MGMT: variants seen among roughly 807,000 people sequenced by gnomAD.
MGMT encodes the protein O-6-methylguanine-DNA methyltransferase.
In MGMT, 14 loss-of-function variants were observed where a neutral mutation model predicts 15.9. The ratio of observed to expected loss-of-function variants is 0.88; its 90% CI spans 0.58 to 1.37. The LOEUF is 1.37. Ranked by LOEUF, MGMT falls within the 40% of genes most tolerant of loss-of-function variation. The pLI is 0.00. For synonymous variants in MGMT, 130 were observed against 118.2 expected (o/e 1.10, Z -0.65); for missense variants, 282 against 268.1 (o/e 1.05, Z -0.36).
chr10:129,476,651 G>A (rs990644777), intron 1 of MGMT, among the ~76,000 whole-genome samples: 2 of 152,168 alleles, frequency 1.3e-5, no homozygotes, highest in Non-Finnish European at 2.9e-5. Flanking sequence ...CCATCGCCAG[G>A]CTGCTGGGAG....
In MGMT at chr10:129,766,948, T is replaced by C. The variant is rs1848944985; in HGVS notation, c.575T>C (p.Leu192Pro). The stretch of plus-strand genomic sequence containing the variant: ...AGCTCAGGTCTGGCAGGGGCCTGGC[T>C]CAAGGGAGCGGGAGCTACCTCGGGC... ...GGSSGLAGAW[L>P]KGAGATSGSP... is the part of the protein sequence containing the mutation. Residue 192 changes from leucine (L) to proline (P), a missense_variant, in exon 5 of 5, where the codon CTC (leucine) becomes CCC (proline). Physicochemically the swap from Leu to Pro is moderately conservative, Grantham distance 98 (BLOSUM62 -3). Transcript: ENST00000651593. 1.2e-6 allele frequency: 2 copies of C among 1,612,610 alleles called. No homozygotes were observed. Among genetic ancestry groups the C allele is most frequent in the Non-Finnish European group, 1.7e-6 (2 of 1,179,654 alleles).
chr10:129,553,312 GATTTC>G (rs1846179020), intron 2 of MGMT, among the ~76,000 whole-genome samples: 1 of 152,206 alleles, frequency 6.6e-6, no homozygotes, highest in South Asian at 2.1e-4. Context: ...CACAAAGTCA[GATTTC>G]TGCGTGACTT....
At chr10:129,679,086 A>G (rs907032366) in intron 2 of MGMT, among the ~76,000 whole-genome samples, 6 of 152,030 alleles carry the variant, frequency 3.9e-5, no homozygotes, top group South Asian at 4.2e-4. Flanking sequence ...AAAAAAAAAA[A>G]GAATCGTGAT....
At chr10:129,677,625 G>C (rs1020109037) in intron 2 of MGMT, among the ~76,000 whole-genome samples, 1 of 152,216 alleles carries the variant, frequency 6.6e-6, no homozygotes, top group African/African-American at 2.4e-5. Context: ...CCACCTGACA[G>C]GCCAGCTCAA....
intron 2 of MGMT, among the ~76,000 whole-genome samples, chr10:129,569,181 A>C (rs1349835231): frequency 6.6e-6 from 1 of 151,194 alleles, no homozygotes; most frequent in Non-Finnish European, 1.5e-5. Context: ...CTAATGCGGC[A>C]CTCTCATGCC....
chr10:129,630,647 A>C (rs1847199627), intron 2 of MGMT, among the ~76,000 whole-genome samples: 1 of 152,202 alleles, frequency 6.6e-6, no homozygotes, highest in Admixed American at 6.5e-5. Flanking sequence ...TCGAACTGAT[A>C]GAAAAAGAAA....
chr10:129,617,394 C>T (rs1175127617), intron 2 of MGMT, among the ~76,000 whole-genome samples: 4 of 152,074 alleles, frequency 2.6e-5, no homozygotes, highest in Non-Finnish European at 4.4e-5. Flanking sequence ...TGAATATACG[C>T]GTGCATGTAT....
At chr10:129,616,603 T>G (rs764227812) in intron 2 of MGMT, among the ~76,000 whole-genome samples, 39 of 152,160 alleles carry the variant, frequency 2.6e-4, no homozygotes, top group African/African-American at 4.3e-4. Context: ...CTAAGGGCCC[T>G]CACTGGCACC....
chr10:129,759,376 G>A (rs1369409679), intron 4 of MGMT, 35 bp downstream of exon 4: 3 of 1,613,200 alleles, frequency 1.9e-6, no homozygotes, highest in African/African-American at 1.3e-5. Context: ...GCTGTGGGTG[G>A]CGGGTGCGTG....
chr10:129,755,108 C>G (rs1848790145), intron 3 of MGMT, among the ~76,000 whole-genome samples: 1 of 152,262 alleles, frequency 6.6e-6, no homozygotes, highest in South Asian at 2.1e-4. Flanking sequence ...CTTCTCAGCC[C>G]TCACGTAGCT....
chr10:129,558,482 C>A (rs1371562513), intron 2 of MGMT, among the ~76,000 whole-genome samples: 3 of 152,152 alleles, frequency 2.0e-5, no homozygotes, highest in Non-Finnish European at 2.9e-5. Flanking sequence ...AGAGCGTGGC[C>A]CTGGTCCTCA....
chr10:129,666,224 A>G (rs1847657442), intron 2 of MGMT, among the ~76,000 whole-genome samples: 1 of 152,194 alleles, frequency 6.6e-6, no homozygotes, highest in South Asian at 2.1e-4. Context: ...TAACTATTTC[A>G]GTGTTCTAGA....
chr10:129,764,363 G>A (rs978893201), intron 4 of MGMT, among the ~76,000 whole-genome samples: 6 of 152,218 alleles, frequency 3.9e-5, no homozygotes, highest in Non-Finnish European at 7.3e-5. Context: ...CCTCGGGGAC[G>A]TGTGTAGCTG....
At chr10:129,667,762 G>A (rs1184169001) in intron 2 of MGMT, among the ~76,000 whole-genome samples, 3 of 152,188 alleles carry the variant, frequency 2.0e-5, no homozygotes, top group African/African-American at 4.8e-5. Flanking sequence ...TCGGGTGCCC[G>A]TTTGGTATTA....
chr10:129,510,213 C>T (rs757325266), intron 1 of MGMT, among the ~76,000 whole-genome samples: 7 of 152,018 alleles, frequency 4.6e-5, no homozygotes, highest in African/African-American at 1.5e-4. Flanking sequence ...GAATATTTTC[C>T]GGTCTTTCAT....
rs997706268 is a variant in MGMT at position 129,608,810 on chromosome 10, C to T, written c.125+72433C>T. On this transcript the variant is annotated intron_variant, in intron 2 of 4. Transcript: ENST00000651593. ...CTGCCCAGGGGCAGGAGGCCCAGCG[C>T]GTGCTCCCCAGCTGAGGCCCCGTCC... Among the ~76,000 whole-genome samples the T allele has an allele frequency of 7.9e-5, 12 of 152,252 alleles. 1 individual carries two copies. The highest frequency in any genetic ancestry group is 1.6e-4 in the Non-Finnish European group (11 of 68,044).
intron 3 of MGMT, among the ~76,000 whole-genome samples, chr10:129,723,435 C>T (rs542929239): frequency 4.5e-4 from 69 of 152,088 alleles, no homozygotes; most frequent in African/African-American, 1.5e-3. Flanking sequence ...ATATCATATA[C>T]CTAAAGGAGA....
intron 2 of MGMT, among the ~76,000 whole-genome samples, chr10:129,658,748 C>T (rs1847560653): frequency 6.6e-6 from 1 of 152,164 alleles, no homozygotes. Context: ...AATGTATTAA[C>T]CTGATTGGCT....
At chr10:129,707,655 C>T (rs555597598) in intron 2 of MGMT, among the ~76,000 whole-genome samples, 4 of 152,286 alleles carry the variant, frequency 2.6e-5, no homozygotes, top group South Asian at 2.1e-4. Flanking sequence ...GGTTGCCTTG[C>T]GCTGTGATGC....
Sources: allele counts gnomAD v4.1 joint callset (sites outside exome capture counted in the v4.1 genomes callset), GRCh38; gene constraint gnomAD v4.1.1; transcripts MANE v1.5; gene names NCBI Gene and HGNC (gene_info 2026-07-23, HGNC 2026-07-21).